RYR2: variants seen among roughly 807,000 people sequenced by gnomAD.
RYR2 encodes ryanodine receptor 2, also known as cardiac muscle ryanodine receptor-calcium release channel.
Under a neutral mutation model 601.1 loss-of-function variants are expected in RYR2, and 227 were observed. The ratio of observed to expected loss-of-function variants is 0.38; its 90% confidence interval spans 0.34 to 0.42. RYR2 has a LOEUF of 0.42. Among genes scored for constraint, RYR2 ranks in the 10% least tolerant of loss-of-function variants. The pLI is 1.00. For synonymous variants in RYR2, 2,223 were observed against 2,175.1 expected (o/e 1.02, Z -0.61); for missense variants, 4,646 against 6,156.5 (o/e 0.75, Z 8.21).
chr1:237,639,664 T>C (rs1681255430), intron 46 of RYR2, among the ~76,000 whole-genome samples: 1 of 152,166 alleles, frequency 6.6e-6, no homozygotes, highest in South Asian at 2.1e-4. Context: ...TGATGCTTTG[T>C]TGAGGTACAG....
At chr1:237,050,017 G>T (rs1296445044) in intron 1 of RYR2, among the ~76,000 whole-genome samples, 1 of 152,140 alleles carries the variant, frequency 6.6e-6, no homozygotes, top group Non-Finnish European at 1.5e-5. Context: ...TATTGCAAAA[G>T]TTCTGTAGTG....
chr1:237,331,512 C>CTTTTTTTTTTTTTTTTTTTTTT (rs1460724250), intron 3 of RYR2, among the ~76,000 whole-genome samples: 9 of 150,650 alleles, frequency 6.0e-5, no homozygotes, highest in African/African-American at 2.0e-4. Context: ...TTTTTCTTTT[C>CTTTTTTTTTTTTTTTTTTTTTT]TTTTTTTTGA....
intron 29 of RYR2, among the ~76,000 whole-genome samples, chr1:237,571,516 TG>T (rs1390370855): frequency 6.6e-6 from 1 of 152,100 alleles, no homozygotes; most frequent in African/African-American, 2.4e-5. Flanking sequence ...GGTTTTATCA[TG>T]TTGGTGAGGC....
intron 88 of RYR2, among the ~76,000 whole-genome samples, chr1:237,780,123 A>T (rs1694976043): frequency 6.7e-6 from 1 of 149,562 alleles, no homozygotes; most frequent in Non-Finnish European, 1.5e-5. Flanking sequence ...AACAGTTAGA[A>T]ACTATATTTA....
chr1:237,368,076 G>T (rs1700345652), intron 5 of RYR2, among the ~76,000 whole-genome samples: 1 of 152,082 alleles, frequency 6.6e-6, no homozygotes, highest in South Asian at 2.1e-4. Context: ...GAGGAAACTG[G>T]ATGAGGCTTC....
Position 237,469,112 on chromosome 1 carries a change from C to T in RYR2, c.1633C>T (p.Arg545Cys), listed in dbSNP as rs1660399641. The T allele has an allele frequency of 1.2e-6, 2 of 1,613,018 alleles. No individual in the cohort carries two copies. Among genetic ancestry groups the T allele is most frequent in the Non-Finnish European group, 8.5e-7 (1 of 1,179,432 alleles). The change falls in exon 17 of 105, where the codon CGT (arginine) becomes TGT (cysteine). Residue 545 changes from arginine to cysteine, a missense_variant. This residue lies in a region of RYR2 where 1,807 missense variants were observed against 2,088.1 expected (regional missense o/e 0.87). Coordinates refer to ENST00000366574, the MANE Select transcript of RYR2 (RefSeq NM_001035.3). Reference sequence around the variant, plus strand: ...TGCAGCGGCTCTAATTAGAGGAAATCGTAAAAACTGTGCTCAATTTTCTGG... The same window carrying T: ...TGCAGCGGCTCTAATTAGAGGAAATTGTAAAAACTGTGCTCAATTTTCTGG... Reference protein sequence around the residue: ...ELLAALIRGNRKNCAQFSGSL... With the variant: ...ELLAALIRGNCKNCAQFSGSL...
intron 71 of RYR2, among the ~76,000 whole-genome samples, chr1:237,713,703 C>T (rs1041973998): frequency 6.6e-5 from 10 of 151,990 alleles, no homozygotes. Flanking sequence ...AATGAAAATC[C>T]ATCTCAAAAA....
intron 1 of RYR2, among the ~76,000 whole-genome samples, chr1:237,262,746 A>G (rs901361127): frequency 6.6e-6 from 1 of 152,182 alleles, no homozygotes; most frequent in Non-Finnish European, 1.5e-5. Flanking sequence ...CCACAGGATA[A>G]GATACATATA....
At chr1:237,567,517 G>C (rs558125125) in intron 28 of RYR2, among the ~76,000 whole-genome samples, 1 of 151,938 alleles carries the variant, frequency 6.6e-6, no homozygotes, top group South Asian at 2.1e-4. Flanking sequence ...TTGAGCTCGG[G>C]AGGTCGAGGC....
intron 1 of RYR2, among the ~76,000 whole-genome samples, chr1:237,260,838 C>A (rs1688438931): frequency 6.6e-6 from 1 of 152,098 alleles, no homozygotes; most frequent in African/African-American, 2.4e-5. Context: ...GGTCATGGAA[C>A]AATGATAAAC....
Position 237,311,445 on chromosome 1 carries a change from G to T in RYR2, c.169-19433G>T, listed in dbSNP as rs73127267. ...CCTAAACATTTAGAACATGAAGTTT[G>T]AGTATGATATGACATGCAATGACCT... On this transcript the variant is annotated intron_variant, in intron 2 of 104. Transcript: ENST00000366574. 7.8e-3 allele frequency among the ~76,000 whole-genome samples: 1,186 copies of T among 151,844 alleles called. 16 individuals are homozygous for T. Among genetic ancestry groups the T allele is most frequent in the African/African-American group, 0.027 (1,105 of 41,392 alleles).
At chr1:237,750,480 A>C (rs1692451307) in intron 80 of RYR2, among the ~76,000 whole-genome samples, 1 of 151,334 alleles carries the variant, frequency 6.6e-6, no homozygotes, top group South Asian at 2.1e-4. Flanking sequence ...AAATTACATA[A>C]ATTTAATAAT....
chr1:237,659,916 C>A lies in RYR2; in HGVS notation c.8209-69C>A, dbSNP rs1683608365. On this transcript the variant is annotated intron_variant, in intron 54 of 104. Transcript: ENST00000366574. ...TTATTTTATCAAACACGCACTTAAA[C>A]ACCTGCATATCTACAATCTCTAAAA... 8.1e-6 allele frequency: 8 copies of A among 985,470 alleles called. No individual in the cohort carries two copies. The South Asian group carries it at 1.2e-4, about 14-fold the overall frequency. 61.0% of individuals were successfully genotyped at this position (985,470 alleles called of 1,614,324 possible). A position where few individuals can be genotyped will look rare whatever the true frequency, so the allele number is the denominator to read the frequency against.
intron 78 of RYR2, among the ~76,000 whole-genome samples, chr1:237,733,314 C>A (rs957353626): frequency 5.9e-5 from 9 of 152,124 alleles, no homozygotes; most frequent in Non-Finnish European, 1.0e-4. Flanking sequence ...ATTGTCATAT[C>A]ATAATTTGGG....
intron 1 of RYR2, among the ~76,000 whole-genome samples, chr1:237,247,943 T>C (rs1687024715): frequency 6.6e-6 from 1 of 151,952 alleles, no homozygotes; most frequent in Admixed American, 6.6e-5. Context: ...ACAGGAGGCT[T>C]AAGGGTTTTC....
At chr1:237,429,157 A>T (rs1205801105) in intron 12 of RYR2, among the ~76,000 whole-genome samples, 1 of 152,100 alleles carries the variant, frequency 6.6e-6, no homozygotes, top group Non-Finnish European at 1.5e-5. Flanking sequence ...TGGCTTTTTA[A>T]ATAAAAGAAT....
intron 79 of RYR2, among the ~76,000 whole-genome samples, chr1:237,739,915 T>C (rs1224095612): frequency 2.6e-5 from 4 of 152,250 alleles, no homozygotes; most frequent in Non-Finnish European, 5.9e-5. Flanking sequence ...TTTTGAATTC[T>C]GTTGTGGATA....
At chr1:237,329,351 A>C (rs1696484679) in intron 2 of RYR2, among the ~76,000 whole-genome samples, 1 of 152,002 alleles carries the variant, frequency 6.6e-6, no homozygotes, top group South Asian at 2.1e-4. Flanking sequence ...TATATTTAAA[A>C]AAAATTAAGG....
chr1:237,070,746 G>C (rs1044587471), intron 1 of RYR2, among the ~76,000 whole-genome samples: 1 of 152,210 alleles, frequency 6.6e-6, no homozygotes, highest in African/African-American at 2.4e-5. Context: ...GGTGGGGTGG[G>C]CTGCTCCAGG....
Sources: gnomAD v4.1 joint callset for allele counts (sites outside exome capture counted in the v4.1 genomes callset) on GRCh38, gnomAD v4.1.1 for gene constraint, gnomAD v4.1.1 regional missense constraint, MANE v1.5 for transcripts, NCBI Gene and HGNC (gene_info 2026-07-23, HGNC 2026-07-21) for gene names.